Variants in GOLGA8B observed in about 807,000 individuals in gnomAD.
GOLGA8B encodes golgin subfamily A member 8B.
In GOLGA8B, 1 loss-of-function variant was observed where a neutral mutation model predicts 15.6. The ratio of observed to expected loss-of-function variants is 0.06; its 90% CI spans 0.02 to 0.30. The LOEUF (loss-of-function observed/expected upper bound fraction) is 0.30, where lower values mean the gene tolerates loss of function less well. Among genes scored for constraint, GOLGA8B ranks in the 10% least tolerant of loss-of-function variants. GOLGA8B has a pLI of 1.00. For missense variants in GOLGA8B, 17 were observed against 201.3 expected (o/e 0.08, Z 5.54); for synonymous variants, 9 against 80.3 (o/e 0.11, Z 4.75).
rs529721642 is a variant in GOLGA8B, at chr15:34,571,540, G to A, written c.-1123+11976C>T. On this transcript the variant is annotated intron_variant, in intron 1 of 23. Transcript: ENST00000683415. ...CAGAAGAAACACTCAGAACACAGCA[G>A]CTACTTAACCCATGACAAACCTGCC... Among the ~76,000 whole-genome samples the A allele has an allele frequency of 2.3e-4, 35 of 150,338 alleles. 1 individual carries two copies. The South Asian group carries it at 6.8e-3, about 29-fold the overall frequency.
At chr15:34,572,528 T>G (rs188925136) in intron 1 of GOLGA8B, among the ~76,000 whole-genome samples, 54 of 152,366 alleles carry the variant, frequency 3.5e-4, no homozygotes, top group Admixed American at 3.1e-3. Context: ...GTGCAAATCT[T>G]ATTTACAGTA....
chr15:34,561,322 TAA>T (rs1888620986), intron 1 of GOLGA8B, among the ~76,000 whole-genome samples: 1 of 151,040 alleles, frequency 6.6e-6, no homozygotes, highest in South Asian at 2.1e-4. Flanking sequence ...ACTTGTAACA[TAA>T]AGTTTACCAT....
intron 1 of GOLGA8B, among the ~76,000 whole-genome samples, chr15:34,577,507 TACACACACACACACACACACAC>T (rs71119972): frequency 2.0e-3 from 254 of 125,286 alleles, no homozygotes; most frequent in Non-Finnish European, 2.9e-3. Flanking sequence ...TTATATATCA[TACACACACACACACACACACAC>T]ACACACACAC....
intron 1 of GOLGA8B, among the ~76,000 whole-genome samples, chr15:34,568,275 CAA>C (rs1489835302): frequency 2.5e-4 from 31 of 126,466 alleles, no homozygotes; most frequent in South Asian, 5.5e-4. Flanking sequence ...GCGACAGCCC[CAA>C]AAGAGGTCAG....
intron 1 of GOLGA8B, among the ~76,000 whole-genome samples, chr15:34,574,628 T>C (rs1889017726): frequency 6.6e-6 from 1 of 152,026 alleles, no homozygotes; most frequent in Non-Finnish European, 1.5e-5. Flanking sequence ...CTAAGGAGCC[T>C]AACAAGTAGC....
intron 1 of GOLGA8B, among the ~76,000 whole-genome samples, chr15:34,563,693 C>T (rs1216400945): frequency 6.6e-6 from 1 of 151,912 alleles, no homozygotes; most frequent in East Asian, 1.9e-4. Context: ...ACACCTGCAA[C>T]CTGTGTTTTT....
intron 1 of GOLGA8B, among the ~76,000 whole-genome samples, chr15:34,571,604 T>C (rs1053223580): frequency 7.5e-6 from 1 of 134,086 alleles, no homozygotes; most frequent in African/African-American, 2.6e-5. Flanking sequence ...GGAAATTAGG[T>C]TGGAATCGTA....
At chr15:34,554,292 C>T (rs569652477) in intron 1 of GOLGA8B, among the ~76,000 whole-genome samples, 8 of 152,400 alleles carry the variant, frequency 5.2e-5, no homozygotes, top group South Asian at 2.1e-4. Context: ...AGCTGATCAC[C>T]GCTGCATGTC....
chr15:34,561,016 C>T (rs1413005576), intron 1 of GOLGA8B, among the ~76,000 whole-genome samples: 1 of 146,418 alleles, frequency 6.8e-6, no homozygotes, highest in East Asian at 2.0e-4. Flanking sequence ...GCGGAGCTTC[C>T]ACCTTCCCCA....
At chr15:34,567,261 G>A (rs879757110) in intron 1 of GOLGA8B, among the ~76,000 whole-genome samples, 1 of 145,706 alleles carries the variant, frequency 6.9e-6, no homozygotes, top group Non-Finnish European at 1.5e-5. Context: ...GCAGCCCACG[G>A]ACAGCTGCTC....
chr15:34,543,308 G>T (rs1212947244), intron 7 of GOLGA8B, among the ~76,000 whole-genome samples: 1 of 144,790 alleles, frequency 6.9e-6, no homozygotes, highest in African/African-American at 2.6e-5. Context: ...TGATTAGCTG[G>T]GAGTATAGGC....
At chr15:34,554,022 T>C (rs1248542655) in intron 1 of GOLGA8B, 66 bp from the exon 2 acceptor site, 17 of 127,974 alleles carry the variant, frequency 1.3e-4, no homozygotes, top group Admixed American at 1.1e-3. Context: ...AAACAAAAGG[T>C]AGCTGCTGCC....
intron 1 of GOLGA8B, among the ~76,000 whole-genome samples, chr15:34,576,754 T>G (rs74007868): frequency 6.6e-6 from 1 of 152,186 alleles, no homozygotes; most frequent in Non-Finnish European, 1.5e-5. Context: ...CAGGGACCTG[T>G]GGCCAAAATC....
intron 1 of GOLGA8B, among the ~76,000 whole-genome samples, chr15:34,570,397 A>G (rs1381546264): frequency 7.3e-6 from 1 of 137,286 alleles, no homozygotes; most frequent in Non-Finnish European, 1.6e-5. Context: ...GCCCAGCCAC[A>G]CAGGGAAAAA....
At chr15:34,582,468 A>T (rs891761002) in intron 1 of GOLGA8B, among the ~76,000 whole-genome samples, 4 of 152,280 alleles carry the variant, frequency 2.6e-5, no homozygotes, top group African/African-American at 9.6e-5. Flanking sequence ...ACAAAGTGCC[A>T]GACGCAAGAT....
chr15:34,582,564 G>C (rs1424292966), intron 1 of GOLGA8B, among the ~76,000 whole-genome samples: 2 of 152,208 alleles, frequency 1.3e-5, no homozygotes, highest in African/African-American at 2.4e-5. Flanking sequence ...TGCCTGCCAG[G>C]TCGTATCTCA....
In GOLGA8B at chr15:34,580,506, G is replaced by A. The variant is rs189362132; in HGVS notation, c.-1123+3010C>T. The stretch of plus-strand genomic sequence containing the variant: ...GCAGGGTTCCAGAGAGAGCCTGGCT[G>A]CACGACCTTGAGGTCACCTAACTCC... On this transcript the variant is annotated intron_variant, in intron 1 of 23. Coordinates refer to ENST00000683415, the MANE Select transcript of GOLGA8B (RefSeq NM_001023567.5). Among the ~76,000 whole-genome samples the A allele has an allele frequency of 9.5e-4, 144 of 152,156 alleles. 3 individuals carry two copies. The highest frequency in any genetic ancestry group is 8.8e-3 in the Admixed American group (135 of 15,294).
In GOLGA8B at chr15:34,565,182, C is replaced by G. The variant is rs541732039; in HGVS notation, c.-1122-11226G>C. On this transcript the variant is annotated intron_variant, in intron 1 of 23. Transcript: ENST00000683415. ...CGGAGTCTCACTCTTGTCGCCCAGG[C>G]TGGAGTGCAATGGTGTGATCTTGGC... 6.4e-3 allele frequency among the ~76,000 whole-genome samples: 864 copies of G among 134,576 alleles called. 37 individuals are homozygous for G. The highest frequency in any genetic ancestry group is 0.021 in the African/African-American group (803 of 37,812). 88.3% of individuals were successfully genotyped at this position (134,576 alleles called of 152,430 possible).
intron 1 of GOLGA8B, among the ~76,000 whole-genome samples, chr15:34,581,132 A>G (rs554508829): frequency 7.9e-5 from 12 of 152,316 alleles, no homozygotes; most frequent in South Asian, 4.2e-4. Flanking sequence ...CCTGGACAGT[A>G]AAGGTTTCTC....
Sources: allele counts gnomAD v4.1 joint callset (sites outside exome capture counted in the v4.1 genomes callset), GRCh38; gene constraint gnomAD v4.1.1; transcripts MANE v1.5; gene names NCBI Gene and HGNC (gene_info 2026-07-23, HGNC 2026-07-21).